ERCC6L2: variants seen among roughly 807,000 people sequenced by gnomAD.
ERCC6L2 encodes DNA excision repair protein ERCC-6-like 2.
In ERCC6L2, 77 loss-of-function variants were observed where a neutral mutation model predicts 132.0. The ratio of observed to expected loss-of-function variants is 0.58; its 90% confidence interval spans 0.49 to 0.71. ERCC6L2 has a LOEUF of 0.71. Among genes scored for constraint, ERCC6L2 ranks in the 30% least tolerant of loss-of-function variants. The pLI, the probability that ERCC6L2 is intolerant of heterozygous loss-of-function variation, is 0.00. For missense variants in ERCC6L2, 1,542 were observed against 1,837.6 expected (o/e 0.84, Z 2.94); for synonymous variants, 583 against 632.4 (o/e 0.92, Z 1.17).
intron 3 of ERCC6L2, among the ~76,000 whole-genome samples, chr9:95,905,718 A>AT (rs1828999382): frequency 1.3e-5 from 2 of 152,252 alleles, no homozygotes; most frequent in African/African-American, 4.8e-5. Flanking sequence ...TCTCACGTTC[A>AT]GCATGTTGAT....
chr9:96,030,941 C>T (rs1834451565), intron 19 of ERCC6L2, among the ~76,000 whole-genome samples: 1 of 152,186 alleles, frequency 6.6e-6, no homozygotes, highest in African/African-American at 2.4e-5. Context: ...TCCCTGGTGC[C>T]TCCGGACAGG....
downstream of ERCC6L2, among the ~76,000 whole-genome samples, chr9:96,023,420 A>C (rs1190176611): frequency 1.3e-5 from 2 of 152,162 alleles, no homozygotes; most frequent in Non-Finnish European, 2.9e-5. Context: ...AAAGGGTCTC[A>C]AAGAGCAGAC....
At position 95,950,839 on chromosome 9, in the gene ERCC6L2, T is replaced by C. The variant is rs370440502; in HGVS notation, c.1848-5075T>C. ...AGCCCCAAATTGTATGAAGCAAACA[T>C]TGACAGAATTGAAGGGAGAAATAGC... On this transcript the variant is annotated intron_variant, in intron 12 of 18. Transcript: ENST00000653738. Among the ~76,000 whole-genome samples, 40 of 152,222 alleles carry C rather than the reference T, an allele frequency of 2.6e-4. 1 individual carries two copies. In the Middle Eastern group the frequency reaches 0.014, roughly 52 times the overall value.
At chr9:95,999,047 T>C (rs1478738195) in intron 17 of ERCC6L2, among the ~76,000 whole-genome samples, 1 of 152,194 alleles carries the variant, frequency 6.6e-6, no homozygotes, top group African/African-American at 2.4e-5. Flanking sequence ...AAGATAGCTA[T>C]TGAGCCCATG....
At chr9:95,968,748 A>T (rs192338239) in intron 14 of ERCC6L2, 1 of 152,312 alleles carries the variant, frequency 6.6e-6, no homozygotes, top group Middle Eastern at 3.4e-3. Context: ...AGTTCATTTT[A>T]CAAGTATTTG....
chr9:96,015,838 G>A lies in ERCC6L2; in HGVS notation c.*2635G>A, dbSNP rs931690543. ...ACTTTTATCAATAGTAGTCAAAATG[G>A]GAGCAAAAATGCAGAACTGGAGTTT... On this transcript the variant is annotated 3_prime_UTR_variant, in exon 19 of 19. Coordinates refer to ENST00000653738, the MANE Select transcript of ERCC6L2 (RefSeq NM_020207.7). 2.6e-5 allele frequency among the ~76,000 whole-genome samples: 4 copies of A among 152,016 alleles called. No homozygotes were observed. The highest frequency in any genetic ancestry group is 4.8e-5 in the African/African-American group (2 of 41,416).
Position 95,978,195 on chromosome 9 carries a change from A to G in ERCC6L2, c.3472A>G (p.Ile1158Val), listed in dbSNP as rs762528186. Reference protein sequence around the residue: ...LKQFSQLPANIAVCSSKTYKE... With the variant: ...LKQFSQLPANVAVCSSKTYKE... ...GCAGTTTTCTCAGCTGCCTGCTAAC[A>G]TAGCTGTTTGCAGTTCTAAGGTAAG... Residue 1158 changes from isoleucine to valine, a missense_variant, in exon 17 of 19, where the codon ATA (isoleucine) becomes GTA (valine). Coordinates refer to ENST00000653738, the MANE Select transcript of ERCC6L2 (RefSeq NM_020207.7). The G allele has an allele frequency of 4.7e-5, 64 of 1,366,098 alleles. No homozygotes were observed. Among genetic ancestry groups the G allele is most frequent in the Non-Finnish European group, 5.9e-5 (60 of 1,021,248 alleles). The allele number at this position is 1,366,098 out of a possible 1,614,324, so 84.6% of individuals were successfully genotyped here. A position where few individuals can be genotyped will look rare whatever the true frequency, so the allele number is the denominator to read the frequency against.
Position 96,012,496 on chromosome 9 carries a change from T to C in ERCC6L2, c.3946T>C (p.Phe1316Leu). The C allele has an allele frequency of 7.3e-7, 1 of 1,367,478 alleles. No individual in the cohort carries two copies. 84.7% of individuals were successfully genotyped at this position (1,367,478 alleles called of 1,614,324 possible). Residue 1316 changes from phenylalanine (F) to leucine (L), a missense_variant, in exon 19 of 19, where the codon TTT (phenylalanine) becomes CTT (leucine). By Grantham distance (22) the Phe-to-Leu change is conservative. Around this residue, in one of 4 missense-constraint regions of ERCC6L2, gnomAD observed 442 missense variants for 583.4 expected, o/e 0.76. Coordinates refer to ENST00000653738, the MANE Select transcript of ERCC6L2 (RefSeq NM_020207.7). ...PRLSDSETLS[F>L]KDSTNKISQV... ...GCTGTCAGATTCTGAAACCTTGTCATTTAAAGATTCTACCAACAAAATTTC... is the reference window on the plus strand; with the variant it reads ...GCTGTCAGATTCTGAAACCTTGTCACTTAAAGATTCTACCAACAAAATTTC...
At chr9:95,885,510 ACTAT>A (rs1827817091) in intron 2 of ERCC6L2, among the ~76,000 whole-genome samples, 1 of 152,242 alleles carries the variant, frequency 6.6e-6, no homozygotes, top group Non-Finnish European at 1.5e-5. Flanking sequence ...GATTTTTATG[ACTAT>A]CTCCCAATAT....
At chr9:96,008,206 T>C (rs1378860150) in intron 18 of ERCC6L2, among the ~76,000 whole-genome samples, 4 of 152,338 alleles carry the variant, frequency 2.6e-5, no homozygotes, top group Admixed American at 6.5e-5. Context: ...AAGAGCCATG[T>C]TGGGACACTG....
chr9:95,888,394 T>C (rs1195527708), intron 2 of ERCC6L2, among the ~76,000 whole-genome samples: 1 of 152,214 alleles, frequency 6.6e-6, no homozygotes, highest in African/African-American at 2.4e-5. Flanking sequence ...TGATATTTCA[T>C]TTCTGAAATG....
At chr9:95,885,569 A>T (rs992027879) in intron 2 of ERCC6L2, among the ~76,000 whole-genome samples, 4 of 152,226 alleles carry the variant, frequency 2.6e-5, no homozygotes, top group African/African-American at 9.6e-5. Flanking sequence ...CTTGAAAATG[A>T]ATCCCTTTTG....
downstream of ERCC6L2, chr9:96,020,414 A>G (rs1290741182): frequency 3.6e-6 from 1 of 275,840 alleles, no homozygotes; most frequent in Non-Finnish European, 7.0e-6. Context: ...AGGCCAAATC[A>G]TAGGGCAGGT....
At chr9:95,941,771 T>G (rs1830815597) in intron 12 of ERCC6L2, among the ~76,000 whole-genome samples, 1 of 152,116 alleles carries the variant, frequency 6.6e-6, no homozygotes, top group Admixed American at 6.5e-5. Context: ...AGAAATGACT[T>G]AAGAAGAAAG....
chr9:95,884,993 C>G (rs1443323532), intron 2 of ERCC6L2, among the ~76,000 whole-genome samples: 1 of 152,022 alleles, frequency 6.6e-6, no homozygotes, highest in African/African-American at 2.4e-5. Context: ...GATAAATATG[C>G]AACATACATA....
intron 17 of ERCC6L2, among the ~76,000 whole-genome samples, chr9:95,996,750 A>C (rs1336635200): frequency 6.6e-6 from 1 of 152,214 alleles, no homozygotes; most frequent in African/African-American, 2.4e-5. Flanking sequence ...TTTCATGCCC[A>C]CTATTGAGAC....
At position 95,987,388 on chromosome 9, in the gene ERCC6L2, G is replaced by A. The variant is rs116334807; in HGVS notation, c.3492+9173G>A. 4.2e-3 allele frequency among the ~76,000 whole-genome samples: 645 copies of A among 152,296 alleles called. 7 individuals are homozygous for A. Among genetic ancestry groups the A allele is most frequent in the African/African-American group, 0.015 (604 of 41,566 alleles). On this transcript the variant is annotated intron_variant, in intron 17 of 18. Transcript: ENST00000653738. ...TAGTTACTTTCTAGATACAATGGACGTACAGGAATTGGATAAATACACCCA... is the reference window on the plus strand; with the variant it reads ...TAGTTACTTTCTAGATACAATGGACATACAGGAATTGGATAAATACACCCA...
intron 4 of ERCC6L2, among the ~76,000 whole-genome samples, chr9:95,910,096 A>G (rs1366164259): frequency 6.6e-6 from 1 of 152,174 alleles, no homozygotes; most frequent in East Asian, 1.9e-4. Context: ...AGATTGGCCA[A>G]GATGTTGCTT....
intron 16 of ERCC6L2, among the ~76,000 whole-genome samples, chr9:95,974,349 A>T (rs1360823135): frequency 6.6e-6 from 1 of 152,154 alleles, no homozygotes; most frequent in Non-Finnish European, 1.5e-5. Flanking sequence ...TGCCATAAGG[A>T]TGACCCATTC....
Sources: allele counts gnomAD v4.1 joint callset (sites outside exome capture counted in the v4.1 genomes callset), GRCh38; gene constraint gnomAD v4.1.1; regional missense constraint gnomAD v4.1.1; transcripts MANE v1.5; gene names NCBI Gene and HGNC (gene_info 2026-07-23, HGNC 2026-07-21).